SPEG: variants seen among roughly 807,000 people sequenced by gnomAD.
SPEG encodes striated muscle preferentially expressed protein kinase.
SPEG carries 114 observed loss-of-function variants against 300.4 expected under a neutral mutation model. The observed-to-expected ratio is 0.38, with a 90% CI of 0.33 to 0.44. SPEG has a LOEUF of 0.44. SPEG is among the 20% of genes least tolerant of loss of function. The pLI, the probability that SPEG is intolerant of heterozygous loss-of-function variation, is 1.00. For missense variants in SPEG, 4,201 were observed against 4,586.2 expected (o/e 0.92, Z 2.43); for synonymous variants, 1,964 against 2,018.9 (o/e 0.97, Z 0.73).
At chr2:219,488,432 T>G in intron 32 of SPEG, 66 bp from the exon 33 acceptor site, 1 of 1,512,268 alleles carries the variant, frequency 6.6e-7, no homozygotes, top group Non-Finnish European at 8.9e-7. Context: ...GAGTGGGGAG[T>G]GAGTGAGGGG....
In SPEG at chr2:219,464,381, C is replaced by G; in HGVS notation, c.2706-52C>G. The G allele has an allele frequency of 6.5e-7, 1 of 1,549,134 alleles. No homozygotes were observed. The highest frequency in any genetic ancestry group is 8.7e-7 in the Non-Finnish European group (1 of 1,145,032). ...CAGTGCTGCAGCCCCAGTTCCTGTG[C>G]ACGCACATCAGGCCCCTGGGCCCTG... On this transcript the variant is annotated intron_variant, in intron 8 of 40. Coordinates refer to ENST00000312358, the MANE Select transcript of SPEG (RefSeq NM_005876.5). The surrounding 1 kb of genome is among the most constrained non-coding windows in gnomAD (Gnocchi z 4.5).
At position 219,482,967 on chromosome 2, in the gene SPEG, C is replaced by G. The variant is rs978315768; in HGVS notation, c.5634+115C>G. 1.7e-5 allele frequency: 24 copies of G among 1,401,230 alleles called. 1 individual carries two copies. The highest frequency in any genetic ancestry group is 2.3e-5 in the Non-Finnish European group (23 of 1,008,850). 86.8% of individuals were successfully genotyped at this position (1,401,230 alleles called of 1,614,324 possible). ...CCTGTCTTCTCGCTTTCACTGGCTC[C>G]ATGCCTAGCTTCCTGCCTGTTCCCT... On this transcript the variant is annotated intron_variant, in intron 29 of 40. Coordinates refer to ENST00000312358, the MANE Select transcript of SPEG (RefSeq NM_005876.5).
Position 219,492,261 on chromosome 2 carries a change from G to A in SPEG, c.9611+1G>A. 1 of 1,611,240 alleles carries A rather than the reference G, an allele frequency of 6.2e-7. No homozygotes were observed. The highest frequency in any genetic ancestry group is 8.5e-7 in the Non-Finnish European group (1 of 1,178,222). On this transcript the variant is annotated splice_donor_variant, in intron 40 of 40. Coordinates refer to ENST00000312358, the MANE Select transcript of SPEG (RefSeq NM_005876.5). LOFTEE classifies it high-confidence loss of function. ...GAAAGGTTCTCTCTGTACATCCCTG[G>A]TGAGTGAGCCCCACACCTGCTATCC...
rs1376112149 is a variant in SPEG, at chr2:219,434,986, A to G, written c.9A>G (p.Lys3=). ...CCCAGCTCTCAGTGGCCATGCAGAA[A>G]GCCCGGGGCACGCGAGGCGAGGATG... MQ[K]ARGTRGEDAG... The change falls in exon 1 of 41, where the codon AAA becomes AAG. Residue 3 remains lysine, a synonymous_variant. Transcript: ENST00000312358. 4.7e-6 allele frequency: 7 copies of G among 1,505,312 alleles called. No homozygotes were observed. Among genetic ancestry groups the G allele is most frequent in the Non-Finnish European group, 6.2e-6 (7 of 1,134,908 alleles). The allele number at this position is 1,505,312 out of a possible 1,614,324, so 93.2% of individuals were successfully genotyped here.
rs994941814 is a variant in SPEG at position 219,466,636 on chromosome 2, G to A, written c.2882-538G>A. On this transcript the variant is annotated intron_variant, in intron 9 of 40. Transcript: ENST00000312358. The stretch of plus-strand genomic sequence containing the variant: ...ATTTCACAAAAGACCAAAAGCCAGA[G>A]GCCCCAGGCTCTGTGCTGATGAACA... The A allele has an allele frequency of 3.0e-6, 3 of 1,003,910 alleles. No homozygotes were observed. In the South Asian group the frequency reaches 1.3e-4, roughly 44 times the overall value. 62.2% of individuals were successfully genotyped at this position (1,003,910 alleles called of 1,614,324 possible). A position where few individuals can be genotyped will look rare whatever the true frequency, so the allele number is the denominator to read the frequency against.
In SPEG at chr2:219,477,173, TGG is replaced by T. The variant is rs1173929521; in HGVS notation, c.4561-102_4561-101del. On this transcript the variant is annotated intron_variant, in intron 19 of 40. Transcript: ENST00000312358. The surrounding 1 kb of genome is among the most constrained non-coding windows in gnomAD (Gnocchi z 6.4). ...TGGGAGATAAGGGAGGAGCTGACTCTGGGTCCTGGTGAGAGATGCGCTGCCCA... is the reference window on the plus strand; with the variant it reads ...TGGGAGATAAGGGAGGAGCTGACTCTGTCCTGGTGAGAGATGCGCTGCCCA... 21 of 825,930 alleles carry T rather than the reference TGG, an allele frequency of 2.5e-5. No individual in the cohort carries two copies. Among genetic ancestry groups the T allele is most frequent in the Non-Finnish European group, 3.7e-5 (20 of 540,394 alleles). The allele number at this position is 825,930 out of a possible 1,614,324, so 51.2% of individuals were successfully genotyped here.
At chr2:219,450,554 C>T (rs1056405547) in intron 4 of SPEG, 4 of 152,286 alleles carry the variant, frequency 2.6e-5, no homozygotes, top group African/African-American at 9.6e-5. Flanking sequence ...GGTACCCATA[C>T]AGTACTCAGT....
rs1487970627 is a variant in SPEG, at chr2:219,489,874, T to G, written c.8856T>G (p.Pro2952=). 4.4e-6 allele frequency: 7 copies of G among 1,608,980 alleles called. No individual in the cohort carries two copies. The African/African-American group carries it at 9.4e-5, about 21-fold the overall frequency. Residue 2952 remains proline, a synonymous_variant, in exon 36 of 41, where the codon CCT becomes CCG. Transcript: ENST00000312358. ...PGSSPRSSPR[P]EGTTLRQGPP... ...GCAGTCCCCGAAGCTCTCCCAGGCC[T>G]GAGGGTACCACTCTTCGACAGGGTC...
chr2:219,468,033 G>A (rs1691531914), intron 10 of SPEG, among the ~76,000 whole-genome samples: 1 of 152,246 alleles, frequency 6.6e-6, no homozygotes, highest in Non-Finnish European at 1.5e-5. Flanking sequence ...GGGTGATGAA[G>A]ACCTAAGCGG....
Position 219,471,883 on chromosome 2 carries a change from G to A in SPEG, c.3731G>A (p.Arg1244His), listed in dbSNP as rs1227009309. Residue 1244 changes from arginine to histidine, a missense_variant, in exon 14 of 41, where the codon CGC (arginine) becomes CAC (histidine). Coordinates refer to ENST00000312358, the MANE Select transcript of SPEG (RefSeq NM_005876.5). ...CCCCTCCCAGACAGGGATGTCCATC[G>A]CTTGGTGTTCCCTGCCGTGGGGCCT... ...RRMTQYRDVHRLVFPAVGPQH... is the reference protein window; with the variant it reads ...RRMTQYRDVHHLVFPAVGPQH... 1.9e-6 allele frequency: 3 copies of A among 1,614,012 alleles called. No individual in the cohort carries two copies. Among genetic ancestry groups the A allele is most frequent in the Non-Finnish European group, 2.5e-6 (3 of 1,179,990 alleles).
Position 219,469,187 on chromosome 2 carries a change from G to A in SPEG, c.3523G>A (p.Glu1175Lys), listed in dbSNP as rs1160355986. The A allele has an allele frequency of 1.9e-6, 3 of 1,613,962 alleles. No homozygotes were observed. Among genetic ancestry groups the A allele is most frequent in the East Asian group, 2.2e-5 (1 of 44,882 alleles). Residue 1175 changes from glutamate to lysine, a missense_variant, in exon 13 of 41, where the codon GAG becomes AAG. Physicochemically the swap from Glu to Lys is moderately conservative, Grantham distance 56 (BLOSUM62 1). Around this residue, in one of 4 missense-constraint regions of SPEG, gnomAD observed 1,047 missense variants for 1,356.8 expected, o/e 0.77. Transcript: ENST00000312358. ...GCTGGAGAAGATGCCATCCATTCCCGAGGAGCCAGAGCAGGGTGAGCTGGA... is the reference window on the plus strand; with the variant it reads ...GCTGGAGAAGATGCCATCCATTCCCAAGGAGCCAGAGCAGGGTGAGCTGGA... The part of the protein sequence containing the change: ...SKLEKMPSIP[E>K]EPEQGELERL...
At chr2:219,450,973 A>G in intron 4 of SPEG, 163 bp from the exon 5 acceptor site, 1 of 683,238 alleles carries the variant, frequency 1.5e-6, no homozygotes, top group Non-Finnish European at 2.4e-6. Context: ...TTTTTCCCTA[A>G]GGACATTCAG....
chr2:219,475,448 C>T (rs575550172), intron 18 of SPEG, among the ~76,000 whole-genome samples: 21 of 152,214 alleles, frequency 1.4e-4, no homozygotes, highest in African/African-American at 1.9e-4. Context: ...TTCCTAGAGG[C>T]GAGGGGAGGC....
chr2:219,447,844 G>A (rs1216709675), intron 3 of SPEG, 130 bp from the exon 4 acceptor site: 4 of 801,186 alleles, frequency 5.0e-6, no homozygotes, highest in East Asian at 2.7e-5. Flanking sequence ...GGGGTGGGGG[G>A]CAGGAGGATC....
At chr2:219,468,456 G>C (rs1691577851) in intron 10 of SPEG, 122 bp from the exon 11 acceptor site, 3 of 1,136,336 alleles carry the variant, frequency 2.6e-6, no homozygotes, top group African/African-American at 1.5e-5. Context: ...TGAGTACCCA[G>C]AGCCTTTGCT....
intron 9 of SPEG, chr2:219,465,910 TGC>T (rs1207993840): frequency 3.6e-4 from 250 of 693,824 alleles, no homozygotes; most frequent in Non-Finnish European, 2.6e-4. Flanking sequence ...GGTGTGTGCA[TGC>T]GTGTGTGTGT....
rs1430592835 is a variant in SPEG, at chr2:219,451,912, C to T, written c.2440+105C>T. 9.0e-6 allele frequency: 11 copies of T among 1,219,924 alleles called. No homozygotes were observed. The highest frequency in any genetic ancestry group is 5.6e-4 in the Middle Eastern group (2 of 3,586). The allele number at this position is 1,219,924 out of a possible 1,614,324, so 75.6% of individuals were successfully genotyped here. Reference sequence around the variant, plus strand: ...TCCCACTCTCAGCCTTGAGCTTGGGCACCCCGCCAGCATACTTAGTCCATG... The same window carrying T: ...TCCCACTCTCAGCCTTGAGCTTGGGTACCCCGCCAGCATACTTAGTCCATG... On this transcript the variant is annotated intron_variant, in intron 6 of 40. Transcript: ENST00000312358. The surrounding 1 kb of genome is among the most constrained non-coding windows in gnomAD (Gnocchi z 6.4).
In SPEG at chr2:219,473,155, C is replaced by A; in HGVS notation, c.4147+59C>A. The A allele has an allele frequency of 6.6e-7, 1 of 1,513,998 alleles. No individual in the cohort carries two copies. 93.8% of individuals were successfully genotyped at this position (1,513,998 alleles called of 1,614,324 possible). The stretch of plus-strand genomic sequence containing the variant: ...GAGCTGCTGGGATGGGGAATGGGGG[C>A]CCTGTGGTGGAGGCTCAAGGGATGG... On this transcript the variant is annotated intron_variant, in intron 16 of 40. Coordinates refer to ENST00000312358, the MANE Select transcript of SPEG (RefSeq NM_005876.5). This position sits in a 1 kb window ranked among gnomAD's most constrained non-coding sequence, Gnocchi z 4.6.
chr2:219,439,808 C>T lies in SPEG; in HGVS notation c.388+4443C>T, dbSNP rs775022960. On this transcript the variant is annotated intron_variant, in intron 1 of 40. Coordinates refer to ENST00000312358, the MANE Select transcript of SPEG (RefSeq NM_005876.5). The surrounding 1 kb of genome is among the most constrained non-coding windows in gnomAD (Gnocchi z 4.5). ...CGCTGCCCATTGGTTATTTTTGCTACGGAATGTGCCAGCCCCTTGGATTCT... is the reference window on the plus strand; with the variant it reads ...CGCTGCCCATTGGTTATTTTTGCTATGGAATGTGCCAGCCCCTTGGATTCT... Among the ~76,000 whole-genome samples, 1 of 152,146 alleles carries T rather than the reference C, an allele frequency of 6.6e-6. No individual in the cohort carries two copies. Among genetic ancestry groups the T allele is most frequent in the African/African-American group, 2.4e-5 (1 of 41,416 alleles).
Sources: gnomAD v4.1 joint callset for allele counts (sites outside exome capture counted in the v4.1 genomes callset) on GRCh38, gnomAD v4.1.1 for gene constraint, gnomAD v4.1.1 regional missense constraint, Gnocchi (gnomAD v3.1) non-coding constraint, MANE v1.5 for transcripts, NCBI Gene and HGNC (gene_info 2026-07-23, HGNC 2026-07-21) for gene names.